The following WIF1 variants were observed in gnomAD, a reference collection of about 807,000 sequenced individuals.
WIF1 encodes Wnt inhibitory factor 1.
A neutral mutation model predicts 53.5 loss-of-function variants in WIF1; 35 were observed. The observed-to-expected ratio is 0.65, with a 90% CI of 0.50 to 0.87. WIF1 has a LOEUF of 0.87. Among genes scored for constraint, WIF1 ranks in the 40% least tolerant of loss-of-function variants. The pLI, the probability that WIF1 is intolerant of heterozygous loss-of-function variation, is 0.00. For missense variants in WIF1, 467 were observed against 476.8 expected, an observed-to-expected ratio of 0.98 and a Z score of 0.19; for synonymous variants, 171 against 170.4, an observed-to-expected ratio of 1.00 and a Z score of -0.03.
chr12:65,117,833 T>C (rs988921581), intron 2 of WIF1, among the ~76,000 whole-genome samples: 6 of 152,218 alleles, frequency 3.9e-5, no homozygotes, highest in African/African-American at 7.2e-5. Context: ...CTTATGCTGC[T>C]GCCGATCTGA....
intron 9 of WIF1, among the ~76,000 whole-genome samples, chr12:65,051,895 T>C (rs1882447334): frequency 6.6e-6 from 1 of 152,220 alleles, no homozygotes; most frequent in Non-Finnish European, 1.5e-5. Flanking sequence ...CGACTCTTCA[T>C]AAAGATCACA....
chr12:65,071,231 C>CAAAAAAAAAAAAAAAA (rs67928556), intron 3 of WIF1, among the ~76,000 whole-genome samples: 3 of 71,150 alleles, frequency 4.2e-5, no homozygotes, highest in Non-Finnish European at 5.3e-5. Context: ...AAGACTCCAT[C>CAAAAAAAAAAAAAAAA]AAAAAAAAAA....
At chr12:65,101,678 C>T (rs535980729) in intron 2 of WIF1, among the ~76,000 whole-genome samples, 25 of 152,186 alleles carry the variant, frequency 1.6e-4, no homozygotes, top group African/African-American at 6.0e-4. Flanking sequence ...TGATAGTGAC[C>T]GAACATAAAT....
At chr12:65,114,710 T>C (rs1422089082) in intron 2 of WIF1, among the ~76,000 whole-genome samples, 3 of 152,134 alleles carry the variant, frequency 2.0e-5, no homozygotes, top group African/African-American at 7.2e-5. Context: ...TTTTCAGTGG[T>C]TATACATAAA....
chr12:65,096,824 A>G (rs1358513565), intron 2 of WIF1, among the ~76,000 whole-genome samples: 3 of 152,096 alleles, frequency 2.0e-5, no homozygotes, highest in Non-Finnish European at 4.4e-5. Context: ...ATGAGAACAC[A>G]TGGACATAGG....
At chr12:65,099,580 CAG>C (rs1471912605) in intron 2 of WIF1, among the ~76,000 whole-genome samples, 6 of 152,170 alleles carry the variant, frequency 3.9e-5, no homozygotes, top group East Asian at 1.9e-4. Flanking sequence ...AAGCCTGAAA[CAG>C]AGTCTTTACT....
In WIF1 at chr12:65,103,305, A is replaced by G. The variant is rs554401695; in HGVS notation, c.288+17112T>C. Among the ~76,000 whole-genome samples, 3 of 152,340 alleles carry G rather than the reference A, an allele frequency of 2.0e-5. No individual in the cohort carries two copies. In the South Asian group the frequency reaches 6.2e-4, roughly 32 times the overall value. Reference sequence around the variant, plus strand: ...GGGAAGACTGAATGAACTTAATGGGATAAAATAAATGAAAGCATGTTTTAA... The same window carrying G: ...GGGAAGACTGAATGAACTTAATGGGGTAAAATAAATGAAAGCATGTTTTAA... On this transcript the variant is annotated intron_variant, in intron 2 of 9. Coordinates refer to ENST00000286574, the MANE Select transcript of WIF1 (RefSeq NM_007191.5).
At position 65,064,945 on chromosome 12, in the gene WIF1, A is replaced by G. The variant is rs543064008; in HGVS notation, c.730+1696T>C. Reference sequence around the variant, plus strand: ...TTTGCTTTATTTATTCATAGTTTTGAGGCAATAAGAGTTTAATTCTCCTCT... The same window carrying G: ...TTTGCTTTATTTATTCATAGTTTTGGGGCAATAAGAGTTTAATTCTCCTCT... On this transcript the variant is annotated intron_variant, in intron 6 of 9. Transcript: ENST00000286574. Among the ~76,000 whole-genome samples the G allele has an allele frequency of 8.5e-5, 13 of 152,280 alleles. No individual in the cohort carries two copies. The South Asian group carries it at 2.7e-3, about 32-fold the overall frequency.
At chr12:65,082,716 C>T (rs541684134) in intron 2 of WIF1, among the ~76,000 whole-genome samples, 18 of 152,196 alleles carry the variant, frequency 1.2e-4, no homozygotes, top group African/African-American at 3.6e-4. Flanking sequence ...TTCTGGCACT[C>T]CTTTTAGGGT....
At chr12:65,066,520 T>A in intron 6 of WIF1, 121 bp downstream of exon 6, 1 of 730,572 alleles carries the variant, frequency 1.4e-6, no homozygotes, top group South Asian at 3.0e-5. Context: ...ATAGCAGCCA[T>A]CTTTACCCTA....
At chr12:65,079,457 A>T (rs979279331) in intron 2 of WIF1, among the ~76,000 whole-genome samples, 11 of 152,110 alleles carry the variant, frequency 7.2e-5, no homozygotes, top group Non-Finnish European at 5.9e-5. Context: ...TGCCAACATT[A>T]CAGAAATTTA....
At chr12:65,098,658 G>C (rs1883239156) in intron 2 of WIF1, among the ~76,000 whole-genome samples, 1 of 150,762 alleles carries the variant, frequency 6.6e-6, no homozygotes, top group Non-Finnish European at 1.5e-5. Flanking sequence ...ATTAAAGTCT[G>C]TGTGTGTGTG....
chr12:65,106,373 A>ATATT (rs1555188075), intron 2 of WIF1, among the ~76,000 whole-genome samples: 6 of 142,338 alleles, frequency 4.2e-5, no homozygotes, highest in African/African-American at 1.7e-4. Flanking sequence ...ATATATATAT[A>ATATT]TTTTTTTTTA....
intron 2 of WIF1, among the ~76,000 whole-genome samples, chr12:65,102,003 C>T (rs894746273): frequency 3.3e-5 from 5 of 152,184 alleles, no homozygotes; most frequent in Non-Finnish European, 5.9e-5. Flanking sequence ...TTTTCATTGT[C>T]TACTATGTGT....
At position 65,121,288 on chromosome 12, in the gene WIF1, C is replaced by G; in HGVS notation, c.-97G>C. On this transcript the variant is annotated 5_prime_UTR_variant, in exon 1 of 10. Coordinates refer to ENST00000286574, the MANE Select transcript of WIF1 (RefSeq NM_007191.5). ...CTCTGCTGCGCTGCAGCTCCCTCAG[C>G]CAGGGCTGTTCCCGTTTAGACGGCT... The G allele has an allele frequency of 2.3e-6, 3 of 1,309,764 alleles. No homozygotes were observed. Among genetic ancestry groups the G allele is most frequent in the Non-Finnish European group, 2.9e-6 (3 of 1,025,546 alleles). 81.1% of individuals were successfully genotyped at this position (1,309,764 alleles called of 1,614,324 possible).
intron 2 of WIF1, among the ~76,000 whole-genome samples, chr12:65,107,583 G>T (rs1883369512): frequency 6.6e-6 from 1 of 152,186 alleles, no homozygotes; most frequent in African/African-American, 2.4e-5. Flanking sequence ...TCATGCCATT[G>T]CACCCCAGCT....
intron 2 of WIF1, among the ~76,000 whole-genome samples, chr12:65,080,605 G>A (rs776730384): frequency 5.9e-5 from 9 of 151,964 alleles, no homozygotes; most frequent in Non-Finnish European, 1.0e-4. Flanking sequence ...GTTCTAAAAC[G>A]TATTTTATTT....
chr12:65,114,029 A>G (rs1392371077), intron 2 of WIF1, among the ~76,000 whole-genome samples: 4 of 152,226 alleles, frequency 2.6e-5, no homozygotes, highest in Admixed American at 6.5e-5. Context: ...TTAGGAAAAA[A>G]TGTAGACAGT....
chr12:65,057,281 C>T (rs1412489844), intron 7 of WIF1, among the ~76,000 whole-genome samples: 2 of 152,116 alleles, frequency 1.3e-5, no homozygotes, highest in African/African-American at 4.8e-5. Context: ...TCCTGGAATG[C>T]CCTAGGTCCA....
Sources: gnomAD v4.1 joint callset for allele counts (sites outside exome capture counted in the v4.1 genomes callset) on GRCh38, gnomAD v4.1.1 for gene constraint, MANE v1.5 for transcripts, NCBI Gene and HGNC (gene_info 2026-07-23, HGNC 2026-07-21) for gene names.